Variants in SPAG16 observed in about 807,000 individuals in gnomAD.
SPAG16 encodes the protein sperm-associated antigen 16 protein.
A neutral mutation model predicts 80.4 loss-of-function variants in SPAG16; 86 were observed. The ratio of observed to expected loss-of-function variants is 1.07; its 90% CI spans 0.90 to 1.28. SPAG16 has a LOEUF of 1.28. Among genes scored for constraint, SPAG16 ranks in the 50% most tolerant of loss-of-function variants. The pLI is 0.00. For missense variants in SPAG16, 870 were observed against 765.3 expected (o/e 1.14, Z -1.61); for synonymous variants, 294 against 265.9 (o/e 1.11, Z -1.03).
intron 15 of SPAG16, among the ~76,000 whole-genome samples, chr2:214,330,607 CT>C: frequency 6.6e-6 from 1 of 152,166 alleles, no homozygotes. Context: ...GCTGGGATGG[CT>C]CTTCATATTT....
intron 12 of SPAG16, among the ~76,000 whole-genome samples, chr2:213,984,413 G>A (rs2045910775): frequency 6.6e-6 from 1 of 152,082 alleles, no homozygotes; most frequent in Non-Finnish European, 1.5e-5. Flanking sequence ...CCTTCTCTGT[G>A]CTCTTCAAAC....
chr2:213,755,042 G>A (rs752590132), intron 10 of SPAG16, among the ~76,000 whole-genome samples: 15 of 152,260 alleles, frequency 9.9e-5, no homozygotes, highest in Non-Finnish European at 1.9e-4. Context: ...TATACAAAAA[G>A]GCATAGGGAT....
rs35850810 is a variant in SPAG16 at position 213,742,547 on chromosome 2, C to CTT, written c.1071-119917_1071-119916dup. 6.3e-3 allele frequency among the ~76,000 whole-genome samples: 157 copies of CTT among 24,750 alleles called. 5 individuals are homozygous for CTT. The highest frequency in any genetic ancestry group is 8.1e-3 in the Non-Finnish European group (47 of 5,792). 16.2% of individuals were successfully genotyped at this position (24,750 alleles called of 152,430 possible). ...CCCTCCTGTCTTATTTTGCTTATTT[C>CTT]TTTTTTTTTTTTTTTTTTTTTTGAG... is the stretch of plus-strand genomic sequence containing the variant. On this transcript the variant is annotated intron_variant, in intron 10 of 15. Transcript: ENST00000331683.
intron 9 of SPAG16, among the ~76,000 whole-genome samples, chr2:213,392,796 A>AGCTC (rs2067825112): frequency 6.6e-6 from 1 of 151,896 alleles, no homozygotes. Context: ...CAGTGAGCCG[A>AGCTC]GATTGCACTA....
intron 10 of SPAG16, among the ~76,000 whole-genome samples, chr2:213,760,975 G>A (rs2068625092): frequency 6.6e-6 from 1 of 152,116 alleles, no homozygotes; most frequent in African/African-American, 2.4e-5. Context: ...CAGGATTTAT[G>A]GGAGGACTCT....
At chr2:213,461,749 A>G (rs2072376010) in intron 9 of SPAG16, among the ~76,000 whole-genome samples, 1 of 152,202 alleles carries the variant, frequency 6.6e-6, no homozygotes, top group Non-Finnish European at 1.5e-5. Context: ...ACATCCAGGT[A>G]GAATTAGATG....
At chr2:213,479,677 A>G (rs955547282) in intron 9 of SPAG16, among the ~76,000 whole-genome samples, 1 of 152,178 alleles carries the variant, frequency 6.6e-6, no homozygotes, top group Non-Finnish European at 1.5e-5. Flanking sequence ...TTTAGGCAAG[A>G]CATGCATGCA....
intron 6 of SPAG16, 65 bp downstream of exon 6, chr2:213,340,335 A>T: frequency 8.7e-7 from 1 of 1,155,658 alleles, no homozygotes; most frequent in Non-Finnish European, 1.3e-6. Context: ...TAATTTGATT[A>T]TGACAAAGTT....
intron 10 of SPAG16, among the ~76,000 whole-genome samples, chr2:213,737,373 C>T (rs2067328455): frequency 6.6e-6 from 1 of 152,076 alleles, no homozygotes; most frequent in South Asian, 2.1e-4. Flanking sequence ...TGTATTTCTA[C>T]GGAGTCTTCA....
chr2:213,735,920 G>A (rs573836579), intron 10 of SPAG16, among the ~76,000 whole-genome samples: 19 of 152,250 alleles, frequency 1.2e-4, no homozygotes, highest in Admixed American at 8.5e-4. Context: ...TTTAGATACC[G>A]TCATTATACA....
At chr2:214,162,890 A>T (rs1210344989) in intron 15 of SPAG16, among the ~76,000 whole-genome samples, 1 of 152,122 alleles carries the variant, frequency 6.6e-6, no homozygotes, top group African/African-American at 2.4e-5. Flanking sequence ...TTCATCTTCT[A>T]TGCAAATATA....
At chr2:214,206,426 G>C (rs1403869072) in intron 15 of SPAG16, among the ~76,000 whole-genome samples, 2 of 152,032 alleles carry the variant, frequency 1.3e-5, no homozygotes, top group African/African-American at 4.8e-5. Flanking sequence ...TGTCCTCCAG[G>C]CTCATCCATG....
chr2:214,100,001 CA>C (rs1394033551), intron 13 of SPAG16, among the ~76,000 whole-genome samples: 2 of 151,998 alleles, frequency 1.3e-5, no homozygotes, highest in Non-Finnish European at 2.9e-5. Context: ...TCTCAAATTA[CA>C]ATCCTCATAA....
chr2:213,709,797 G>A (rs1334010665), intron 10 of SPAG16, among the ~76,000 whole-genome samples: 2 of 152,110 alleles, frequency 1.3e-5, no homozygotes, highest in African/African-American at 2.4e-5. Flanking sequence ...GGCTGACAAA[G>A]AATATTTGAT....
rs140464184 is a variant in SPAG16, at chr2:213,285,855, T to C, written c.136+1236T>C. The C allele has an allele frequency of 1.6e-5, 21 of 1,285,032 alleles. No homozygotes were observed. The African/African-American group carries it at 2.4e-4, about 15-fold the overall frequency. 79.6% of individuals were successfully genotyped at this position (1,285,032 alleles called of 1,614,324 possible). On this transcript the variant is annotated intron_variant, in intron 1 of 15. Coordinates refer to ENST00000331683, the MANE Select transcript of SPAG16 (RefSeq NM_024532.5). ...GCAGTCTTTTCCAGTGATATTCCTC[T>C]TTAACAACGATTTTCATAATTCTTC...
chr2:214,336,256 A>T (rs1576812678), intron 15 of SPAG16, among the ~76,000 whole-genome samples: 1 of 152,316 alleles, frequency 6.6e-6, no homozygotes, highest in Admixed American at 6.5e-5. Context: ...TAATTTGGAC[A>T]AAGAAGATTC....
At chr2:214,156,050 T>C (rs2056201215) in intron 15 of SPAG16, among the ~76,000 whole-genome samples, 1 of 152,336 alleles carries the variant, frequency 6.6e-6, no homozygotes, top group Middle Eastern at 3.4e-3. Flanking sequence ...AAATGATTCA[T>C]TTGCTATGAA....
At chr2:213,718,149 C>CAAAAAAAAAAAAAA (rs71063769) in intron 10 of SPAG16, among the ~76,000 whole-genome samples, 6 of 92,230 alleles carry the variant, frequency 6.5e-5, no homozygotes, top group African/African-American at 1.4e-4. Context: ...AACAAGTTTA[C>CAAAAAAAAAAAAAA]AAAAAAAAAA....
At chr2:214,213,600 G>A (rs1431221400) in intron 15 of SPAG16, among the ~76,000 whole-genome samples, 3 of 152,156 alleles carry the variant, frequency 2.0e-5, no homozygotes, top group Non-Finnish European at 4.4e-5. Flanking sequence ...GTGATGTTTA[G>A]CAGCATTCCT....
Sources: allele counts gnomAD v4.1 joint callset (sites outside exome capture counted in the v4.1 genomes callset), GRCh38; gene constraint gnomAD v4.1.1; transcripts MANE v1.5; gene names NCBI Gene and HGNC (gene_info 2026-07-23, HGNC 2026-07-21).